The following GGA2 variants were observed in gnomAD, a reference collection of about 807,000 sequenced individuals.
The protein encoded by GGA2 is golgi associated, gamma adaptin ear containing, ARF binding protein 2.
GGA2 carries 48 observed loss-of-function variants against 79.5 expected under a neutral mutation model. The observed-to-expected ratio is 0.60, with a 90% CI of 0.48 to 0.77. GGA2 has a LOEUF of 0.77. Ranked by LOEUF, GGA2 falls within the 30% of genes least tolerant of loss-of-function variation. The probability of loss-of-function intolerance (pLI) is 0.00; values close to 1 mark genes in which losing one functional copy is unlikely to be tolerated. For missense variants in GGA2, 770 were observed against 774.0 expected (o/e 0.99, Z 0.06); for synonymous variants, 317 against 302.0 (o/e 1.05, Z -0.51).
At position 23,499,326 on chromosome 16, in the gene GGA2, A is replaced by G. The variant is rs536207992; in HGVS notation, c.92-3548T>C. 5.9e-5 allele frequency among the ~76,000 whole-genome samples: 9 copies of G among 152,108 alleles called. No homozygotes were observed. The South Asian group carries it at 1.9e-3, about 32-fold the overall frequency. On this transcript the variant is annotated intron_variant, in intron 1 of 16. Transcript: ENST00000309859. ...TGACTGGCTAATTTTTTGTATTTTC[A>G]GTAGAGATGGGGTTTCACTATATTG... is the stretch of plus-strand genomic sequence containing the variant.
chr16:23,475,924 C>CAT (rs1229591908), intron 13 of GGA2, among the ~76,000 whole-genome samples: 1 of 129,282 alleles, frequency 7.7e-6, no homozygotes, highest in Non-Finnish European at 1.7e-5. Flanking sequence ...AGTGAGACTC[C>CAT]ATCTCAGGAA....
intron 14 of GGA2, among the ~76,000 whole-genome samples, chr16:23,470,916 G>A (rs1964503582): frequency 7.6e-6 from 1 of 131,842 alleles, no homozygotes; most frequent in Admixed American, 9.6e-5. Context: ...CGCAACCTCT[G>A]CCTCCCGGAT....
At position 23,467,351 on chromosome 16, in the gene GGA2, C is replaced by T. The variant is rs1437692506; in HGVS notation, c.*239G>A. The T allele has an allele frequency of 2.1e-6, 1 of 466,668 alleles. No homozygotes were observed. Among genetic ancestry groups the T allele is most frequent in the Non-Finnish European group, 3.8e-6 (1 of 261,304 alleles). The allele number at this position is 466,668 out of a possible 1,614,324, so 28.9% of individuals were successfully genotyped here. A position where few individuals can be genotyped will look rare whatever the true frequency, so the allele number is the denominator to read the frequency against. ...AAATGCTTCGCATTTCCCACACTGC[C>T]GATATCCCAAGCCCTGTGCTACCAC... is the stretch of plus-strand genomic sequence containing the variant. On this transcript the variant is annotated 3_prime_UTR_variant, in exon 17 of 17. Coordinates refer to ENST00000309859, the MANE Select transcript of GGA2 (RefSeq NM_015044.4).
chr16:23,505,996 T>C (rs1379016502), intron 1 of GGA2, among the ~76,000 whole-genome samples: 1 of 152,186 alleles, frequency 6.6e-6, no homozygotes, highest in African/African-American at 2.4e-5. Flanking sequence ...AGCCTAATGA[T>C]AATAATAGCT....
intron 5 of GGA2, 132 bp downstream of exon 5, chr16:23,491,545 A>AAAC: frequency 1.7e-6 from 1 of 580,284 alleles, no homozygotes; most frequent in Non-Finnish European, 2.8e-6. Flanking sequence ...AAAAAAAAAA[A>AAAC]AAACTCTACC....
intron 4 of GGA2, 74 bp from the exon 5 acceptor site, chr16:23,491,874 G>A: frequency 9.8e-7 from 1 of 1,024,534 alleles, no homozygotes; most frequent in Non-Finnish European, 1.5e-6. Context: ...TAAAGAGGTA[G>A]CTGCTGAGGC....
chr16:23,510,729 C>T (rs1965038001), upstream of GGA2, among the ~76,000 whole-genome samples: 1 of 152,200 alleles, frequency 6.6e-6, no homozygotes, highest in African/African-American at 2.4e-5. Flanking sequence ...TTTTAAGAGA[C>T]GGGGTCTTGC....
chr16:23,486,190 GA>G, intron 7 of GGA2, 38 bp from the exon 8 acceptor site: 1 of 1,604,930 alleles, frequency 6.2e-7, no homozygotes, highest in Non-Finnish European at 8.5e-7. Context: ...TGAGGGAGCA[GA>G]AACCCTGGCT....
At chr16:23,479,111 T>G in intron 11 of GGA2, 200 bp from the exon 12 acceptor site, 2 of 595,944 alleles carry the variant, frequency 3.4e-6, no homozygotes. Flanking sequence ...GAACACCTGA[T>G]TCCCTTGGCA....
At chr16:23,494,248 G>T in intron 3 of GGA2, 55 bp downstream of exon 3, 1 of 1,168,066 alleles carries the variant, frequency 8.6e-7, no homozygotes, top group Non-Finnish European at 1.3e-6. Context: ...GCGCCTCTCG[G>T]CTCTCTATAG....
At chr16:23,469,020 T>C in intron 15 of GGA2, 24 bp from the exon 16 acceptor site, 1 of 1,366,142 alleles carries the variant, frequency 7.3e-7, no homozygotes, top group Non-Finnish European at 1.0e-6. Flanking sequence ...AAAACCAACA[T>C]GTAACTCATT....
In GGA2 at chr16:23,493,475, C is replaced by T. The variant is rs759661428; in HGVS notation, c.253-17G>A. Reference sequence around the variant, plus strand: ...CTCCAGCACCTGCACAGACACAGGACCCCCAGGAGAAGGTGGAAAGCCAGT... The same window carrying T: ...CTCCAGCACCTGCACAGACACAGGATCCCCAGGAGAAGGTGGAAAGCCAGT... On this transcript the variant is annotated splice_polypyrimidine_tract_variant and intron_variant, in intron 3 of 16. Transcript: ENST00000309859. 9.9e-6 allele frequency: 15 copies of T among 1,521,558 alleles called. No homozygotes were observed. The highest frequency in any genetic ancestry group is 2.7e-5 in the African/African-American group (2 of 73,146). The allele number at this position is 1,521,558 out of a possible 1,614,324, so 94.3% of individuals were successfully genotyped here. A position where few individuals can be genotyped will look rare whatever the true frequency, so the allele number is the denominator to read the frequency against.
intron 13 of GGA2, among the ~76,000 whole-genome samples, 171 bp from the exon 14 acceptor site, chr16:23,475,232 C>T (rs968513381): frequency 6.7e-6 from 1 of 149,458 alleles, no homozygotes; most frequent in African/African-American, 2.5e-5. Flanking sequence ...CTCTGTTGCC[C>T]AGGCTGGAGT....
chr16:23,474,813 C>T (rs1964555936), intron 14 of GGA2, 91 bp downstream of exon 14: 1 of 966,362 alleles, frequency 1.0e-6, no homozygotes, highest in Non-Finnish European at 1.7e-6. Context: ...AATTTAAGGG[C>T]CACCTCTATC....
intron 1 of GGA2, among the ~76,000 whole-genome samples, chr16:23,520,401 G>A (rs929533752): frequency 6.6e-6 from 1 of 152,098 alleles, no homozygotes. Context: ...GAATGTTTCT[G>A]AATCTAGACA....
intron 1 of GGA2, among the ~76,000 whole-genome samples, chr16:23,509,743 C>CAT (rs540280134): frequency 0.02 from 3,024 of 148,546 alleles, 48 homozygotes; most frequent in Admixed American, 0.029. Flanking sequence ...AAAAAAAACA[C>CAT]ACATATATAT....
upstream of GGA2, chr16:23,522,637 A>G (rs542442926): frequency 1.3e-5 from 2 of 152,332 alleles, no homozygotes; most frequent in Non-Finnish European, 1.5e-5. Flanking sequence ...ATGGGGCTCA[A>G]CAAACTCTGT....
At position 23,470,075 on chromosome 16, in the gene GGA2, A is replaced by T. The variant is rs1235160334; in HGVS notation, c.1541T>A (p.Val514Glu). Residue 514 changes from valine (V) to glutamate (E), a missense_variant, in exon 15 of 17, where the codon GTA (valine) becomes GAA (glutamate). Val to Glu is a moderately radical substitution (Grantham distance 121, BLOSUM62 -2). Transcript: ENST00000309859. ...SQTGAPGHPEVQVLLLTMMST... is the reference protein window; with the variant it reads ...SQTGAPGHPEEQVLLLTMMST... Reference sequence around the variant, plus strand: ...CATCATGGTCAAGAGCAGCACCTGTACCTCTGGGTGCCCAGGGGCTCCCGT... The same window carrying T: ...CATCATGGTCAAGAGCAGCACCTGTTCCTCTGGGTGCCCAGGGGCTCCCGT... 6.2e-7 allele frequency: 1 copy of T among 1,610,270 alleles called. No homozygotes were observed. Among genetic ancestry groups the T allele is most frequent in the South Asian group, 1.1e-5 (1 of 89,912 alleles).
At chr16:23,512,194 A>T (rs535599910), upstream of GGA2, among the ~76,000 whole-genome samples, 63 of 152,328 alleles carry the variant, frequency 4.1e-4, no homozygotes, top group African/African-American at 1.4e-3. Context: ...GTCTAGTGGC[A>T]GTGGGCTGGA....
Sources: gnomAD v4.1 joint callset for allele counts (sites outside exome capture counted in the v4.1 genomes callset) on GRCh38, gnomAD v4.1.1 for gene constraint, MANE v1.5 for transcripts, NCBI Gene and HGNC (gene_info 2026-07-23, HGNC 2026-07-21) for gene names.